Variants in JAZF1 observed in about 807,000 individuals in gnomAD.
JAZF1 encodes the protein JAZF zinc finger 1, also known as juxtaposed with another zinc finger protein 1.
Under a neutral mutation model 26.4 loss-of-function variants are expected in JAZF1, and 8 were observed. The observed-to-expected ratio is 0.30, with a 90% confidence interval of 0.18 to 0.55. The LOEUF (loss-of-function observed/expected upper bound fraction) is 0.55. Ranked by LOEUF, JAZF1 falls within the 20% of genes least tolerant of loss-of-function variation. JAZF1 has a pLI of 0.94. For missense variants in JAZF1, 199 were observed against 322.0 expected (o/e 0.62, Z 2.92); for synonymous variants, 126 against 122.3 (o/e 1.03, Z -0.20).
At chr7:27,934,039 T>C (rs1784726847) in intron 2 of JAZF1, among the ~76,000 whole-genome samples, 1 of 152,232 alleles carries the variant, frequency 6.6e-6, no homozygotes, top group African/African-American at 2.4e-5. Context: ...GTTTTACTTT[T>C]TCATTAGCCG....
intron 1 of JAZF1, among the ~76,000 whole-genome samples, chr7:28,062,441 A>G (rs1783815329): frequency 6.6e-6 from 1 of 152,106 alleles, no homozygotes; most frequent in Non-Finnish European, 1.5e-5. Flanking sequence ...TCTTGTGTGC[A>G]GAGCATGCAG....
Position 27,943,916 on chromosome 7 carries a change from G to A in JAZF1, c.188+47993C>T, listed in dbSNP as rs746464046. 2.0e-5 allele frequency among the ~76,000 whole-genome samples: 3 copies of A among 152,276 alleles called. No individual in the cohort carries two copies. The South Asian group carries it at 6.2e-4, about 32-fold the overall frequency. On this transcript the variant is annotated intron_variant, in intron 2 of 4. Transcript: ENST00000283928. ...ATTTCAGCTGGGAATAAAGCCTTGT[G>A]GGTTTAAGTCTGTCTCCTGATTTTC... is the stretch of plus-strand genomic sequence containing the variant.
intron 2 of JAZF1, among the ~76,000 whole-genome samples, chr7:27,929,463 G>T (rs1390195399): frequency 6.6e-6 from 1 of 152,310 alleles, no homozygotes; most frequent in East Asian, 1.9e-4. Context: ...CTTCACTACA[G>T]GGTATAAGAA....
Position 27,832,577 on chromosome 7 carries a change from TATATC to T in JAZF1, c.*218_*222del, listed in dbSNP as rs1334678883. On this transcript the variant is annotated 3_prime_UTR_variant, in exon 5 of 5. Transcript: ENST00000283928. ...CTAGAGCTTTTTTTGTTTAGCACCT[TATATC>T]AAAGTAATGAAAATGGGTATGATGA... 2.8e-6 allele frequency: 1 copy of T among 358,418 alleles called. No individual in the cohort carries two copies. Among genetic ancestry groups the T allele is most frequent in the African/African-American group, 2.1e-5 (1 of 48,402 alleles). The allele number at this position is 358,418 out of a possible 1,614,324, so 22.2% of individuals were successfully genotyped here.
intron 3 of JAZF1, among the ~76,000 whole-genome samples, chr7:27,850,712 C>T (rs1258104793): frequency 6.6e-6 from 1 of 152,152 alleles, no homozygotes; most frequent in East Asian, 1.9e-4. Flanking sequence ...TGCTTAAACC[C>T]TCTAGTGGCT....
intron 1 of JAZF1, among the ~76,000 whole-genome samples, chr7:28,024,300 G>C (rs1783056880): frequency 6.6e-6 from 1 of 150,952 alleles, no homozygotes; most frequent in East Asian, 2.2e-4. Flanking sequence ...GTCACAAAAA[G>C]AAAAACAAAG....
At chr7:28,082,830 C>T (rs1343355425) in intron 1 of JAZF1, among the ~76,000 whole-genome samples, 1 of 152,176 alleles carries the variant, frequency 6.6e-6, no homozygotes, top group East Asian at 1.9e-4. Flanking sequence ...GCCACCATTA[C>T]TATTCCCTGC....
At chr7:27,943,519 C>T (rs1784880753) in intron 2 of JAZF1, among the ~76,000 whole-genome samples, 1 of 152,222 alleles carries the variant, frequency 6.6e-6, no homozygotes, top group African/African-American at 2.4e-5. Context: ...TTCCCCGACA[C>T]CTCGGGCCCA....
chr7:28,160,857 G>A (rs1783273682), intron 1 of JAZF1, among the ~76,000 whole-genome samples: 1 of 152,192 alleles, frequency 6.6e-6, no homozygotes, highest in East Asian at 1.9e-4. Flanking sequence ...TCAAGAAGGA[G>A]GTAGTAAATC....
intron 1 of JAZF1, among the ~76,000 whole-genome samples, chr7:28,149,521 G>A (rs564866260): frequency 2.9e-4 from 44 of 152,152 alleles, no homozygotes; most frequent in Middle Eastern, 3.4e-3. Flanking sequence ...TTGGGCTATC[G>A]CAAGTCCTCC....
At chr7:27,987,598 C>T (rs1331477274) in intron 2 of JAZF1, among the ~76,000 whole-genome samples, 8 of 151,272 alleles carry the variant, frequency 5.3e-5, no homozygotes, top group East Asian at 4.0e-4. Flanking sequence ...CCAGCCGCCC[C>T]GTCCGGGAGG....
chr7:27,947,729 A>G (rs1784941153), intron 2 of JAZF1, among the ~76,000 whole-genome samples: 1 of 152,180 alleles, frequency 6.6e-6, no homozygotes, highest in South Asian at 2.1e-4. Context: ...ATAAATTGCC[A>G]TCACCATCCC....
At chr7:27,865,592 A>G (rs1012244657) in intron 3 of JAZF1, among the ~76,000 whole-genome samples, 4 of 152,204 alleles carry the variant, frequency 2.6e-5, no homozygotes, top group Admixed American at 6.5e-5. Context: ...ACATTTAAAT[A>G]GGATATAAAA....
intron 1 of JAZF1, among the ~76,000 whole-genome samples, chr7:28,148,450 A>G (rs1290944423): frequency 1.3e-5 from 2 of 152,124 alleles, no homozygotes; most frequent in African/African-American, 2.4e-5. Context: ...CCATTATTGA[A>G]CCAATCCTCT....
At chr7:27,876,808 C>G (rs574444859) in intron 3 of JAZF1, among the ~76,000 whole-genome samples, 2 of 152,182 alleles carry the variant, frequency 1.3e-5, no homozygotes, top group East Asian at 1.9e-4. Context: ...TGGAACTGGG[C>G]GGGAGAGTTT....
chr7:28,029,070 A>G (rs1376368515), intron 1 of JAZF1, among the ~76,000 whole-genome samples: 1 of 152,112 alleles, frequency 6.6e-6, no homozygotes, highest in Non-Finnish European at 1.5e-5. Flanking sequence ...GTTAATATCC[A>G]CATTCCTGAC....
rs535867012 is a variant in JAZF1 at position 27,957,747 on chromosome 7, T to C, written c.188+34162A>G. On this transcript the variant is annotated intron_variant, in intron 2 of 4. Transcript: ENST00000283928. ...TTCTGAGGATTTAATGACTTCTTAA[T>C]AGAACAGAGTGCACACATAGCTAGA... is the stretch of plus-strand genomic sequence containing the variant. 1.5e-4 allele frequency among the ~76,000 whole-genome samples: 23 copies of C among 152,352 alleles called. 1 individual carries two copies. Among genetic ancestry groups the C allele is most frequent in the Admixed American group, 1.0e-3 (16 of 15,300 alleles).
At chr7:28,160,167 T>A (rs1016437584) in intron 1 of JAZF1, among the ~76,000 whole-genome samples, 1 of 151,702 alleles carries the variant, frequency 6.6e-6, no homozygotes, top group Non-Finnish European at 1.5e-5. Flanking sequence ...TAAAATCTCA[T>A]GAGGAGGGAT....
intron 1 of JAZF1, chr7:27,992,303 C>T (rs1197974165): frequency 2.2e-5 from 10 of 457,566 alleles, no homozygotes; most frequent in South Asian, 1.4e-4. Context: ...GGTGGTTCAT[C>T]GGCCTAAGAA....
Sources: allele counts gnomAD v4.1 joint callset (sites outside exome capture counted in the v4.1 genomes callset), GRCh38; gene constraint gnomAD v4.1.1; transcripts MANE v1.5; gene names NCBI Gene and HGNC (gene_info 2026-07-23, HGNC 2026-07-21).